TNIP2: variants seen among roughly 807,000 people sequenced by gnomAD.
The protein encoded by TNIP2 is TNFAIP3 interacting protein 2.
A neutral mutation model predicts 43.7 loss-of-function variants in TNIP2; 30 were observed. The observed-to-expected ratio is 0.69, with a 90% confidence interval of 0.51 to 0.93. TNIP2 has a LOEUF of 0.93. Ranked by LOEUF, TNIP2 falls within the 40% of genes least tolerant of loss-of-function variation. TNIP2 has a pLI of 0.00. For missense variants in TNIP2, 599 were observed against 591.0 expected, an observed-to-expected ratio of 1.01 and a Z score of -0.14; for synonymous variants, 260 against 254.6, an observed-to-expected ratio of 1.02 and a Z score of -0.20.
At chr4:2,745,891 G>A (rs1271378155) in intron 2 of TNIP2, 4 of 231,784 alleles carry the variant, frequency 1.7e-5, no homozygotes, top group Non-Finnish European at 3.4e-5. Flanking sequence ...ACATGATAAA[G>A]TCTTCTCATT....
rs1402605528 is a variant in TNIP2, at chr4:2,741,703, A to AAAAT, written c.*553_*554insATTT. ...ACGTTTATTATAAAAATAGGTGAAT[A>AAAAT]AAGTAAGTGTGCTTTAACTTCCGGC... On this transcript the variant is annotated 3_prime_UTR_variant, in exon 6 of 6. Coordinates refer to ENST00000315423, the MANE Select transcript of TNIP2 (RefSeq NM_024309.4). 1 of 152,388 alleles carries AAAAT rather than the reference A, an allele frequency of 6.6e-6. No individual in the cohort carries two copies. The highest frequency in any genetic ancestry group is 2.4e-5 in the African/African-American group (1 of 41,472). 9.4% of individuals were successfully genotyped at this position (152,388 alleles called of 1,614,324 possible).
intron 1 of TNIP2, among the ~76,000 whole-genome samples, chr4:2,751,621 A>G (rs946158818): frequency 2.6e-5 from 4 of 151,960 alleles, no homozygotes; most frequent in Admixed American, 1.3e-4. Flanking sequence ...AATACAAAAA[A>G]CATTAGCCAG....
chr4:2,749,693 T>G (rs1427703088), intron 1 of TNIP2, among the ~76,000 whole-genome samples: 1 of 152,218 alleles, frequency 6.6e-6, no homozygotes, highest in Non-Finnish European at 1.5e-5. Flanking sequence ...TCTAGAACTG[T>G]GAAAGATTAA....
rs770608619 is a variant in TNIP2, at chr4:2,744,663, G to A, written c.906+34C>T. ...GGCCACCACCGGCCAGCAGACATCT[G>A]GTCAGTGCCGTCCGGAGCCCGAGGG... is the stretch of plus-strand genomic sequence containing the variant. On this transcript the variant is annotated intron_variant, in intron 4 of 5. Coordinates refer to ENST00000315423, the MANE Select transcript of TNIP2 (RefSeq NM_024309.4). This position sits in a 1 kb window ranked among gnomAD's most constrained non-coding sequence, Gnocchi z 5.1. The A allele has an allele frequency of 1.3e-6, 2 of 1,590,666 alleles. No individual in the cohort carries two copies. The highest frequency in any genetic ancestry group is 4.5e-5 in the East Asian group (2 of 44,726).
chr4:2,743,570 G>T (rs996647438), intron 5 of TNIP2, among the ~76,000 whole-genome samples: 11 of 152,164 alleles, frequency 7.2e-5, no homozygotes, highest in African/African-American at 2.7e-4. Flanking sequence ...CCCAGTGGCT[G>T]CTCGGAACAG....
At chr4:2,746,749 G>A (rs933706769) in intron 2 of TNIP2, among the ~76,000 whole-genome samples, 1 of 152,238 alleles carries the variant, frequency 6.6e-6, no homozygotes, top group African/African-American at 2.4e-5. Flanking sequence ...CCGGCAGTGC[G>A]AGTGAGATGG....
chr4:2,756,047 C>G lies in TNIP2; in HGVS notation c.243G>C (p.Gln81His). ...VARFREQLRR[Q>H]EGGAAEAQMR... ...TCTGGGCCTCGGCGGCGCCGCCCTC[C>G]TGCCTTCGCAGCTGCTCCCGGAAGC... Residue 81 changes from glutamine (Q) to histidine (H), a missense_variant, in exon 1 of 6, where the codon CAG becomes CAC. Transcript: ENST00000315423. 1 of 1,548,828 alleles carries G rather than the reference C, an allele frequency of 6.5e-7. No homozygotes were observed.
Position 2,756,018 on chromosome 4 carries a change from C to G in TNIP2, c.272G>C (p.Arg91Pro). ...CTCTGGTACCCGCCCTCGTACCTGG[C>G]GCATCTGGGCCTCGGCGGCGCCGCC... ...QEGGAAEAQM[R>P]QEIERLTERL... The change falls in exon 1 of 6, where the codon CGC becomes CCC. Residue 91 changes from arginine (R) to proline (P), a missense_variant. Physicochemically the swap from Arg to Pro is moderately radical, Grantham distance 103. Transcript: ENST00000315423. 6.5e-7 allele frequency: 1 copy of G among 1,548,294 alleles called. No homozygotes were observed. Among genetic ancestry groups the G allele is most frequent in the Non-Finnish European group, 8.6e-7 (1 of 1,158,750 alleles).
Position 2,741,803 on chromosome 4 carries a change from A to G in TNIP2, c.*454T>C, listed in dbSNP as rs2109474205. On this transcript the variant is annotated 3_prime_UTR_variant, in exon 6 of 6. Transcript: ENST00000315423. ...TCGCAATGGCGGGGGTGGCCACCCTAGTGTGACGTGCAGCCGCAATACTCC... is the reference window on the plus strand; with the variant it reads ...TCGCAATGGCGGGGGTGGCCACCCTGGTGTGACGTGCAGCCGCAATACTCC... 1 of 157,710 alleles carries G rather than the reference A, an allele frequency of 6.3e-6. No homozygotes were observed. Among genetic ancestry groups the G allele is most frequent in the East Asian group, 1.9e-4 (1 of 5,364 alleles). 9.8% of individuals were successfully genotyped at this position (157,710 alleles called of 1,614,324 possible). A position where few individuals can be genotyped will look rare whatever the true frequency, so the allele number is the denominator to read the frequency against.
intron 2 of TNIP2, 139 bp downstream of exon 2, chr4:2,747,516 T>C: frequency 1.2e-6 from 1 of 847,034 alleles, no homozygotes; most frequent in East Asian, 2.4e-5. Context: ...TGAGTGAGCT[T>C]TGCCCCGTCA....
rs772113856 is a variant in TNIP2, at chr4:2,744,820, G to A, written c.783C>T (p.Ile261=). ...PHEPELMRKE[I]SRLNRQLEEK... ...CTTCCAACTGTCTGTTGAGCCGGGA[G>A]ATCTCCTTCCTCATCAGCTCGGGCT... is the stretch of plus-strand genomic sequence containing the variant. Residue 261 remains isoleucine, a synonymous_variant, in exon 4 of 6, where the codon ATC becomes ATT. Transcript: ENST00000315423. The surrounding 1 kb of genome is among the most constrained non-coding windows in gnomAD (Gnocchi z 5.1). 5.0e-6 allele frequency: 8 copies of A among 1,613,840 alleles called. No homozygotes were observed. In the East Asian group the frequency reaches 1.3e-4, roughly 27 times the overall value.
At chr4:2,752,359 T>C (rs115673959) in intron 1 of TNIP2, among the ~76,000 whole-genome samples, 151 of 152,278 alleles carry the variant, frequency 9.9e-4, no homozygotes, top group African/African-American at 3.5e-3. Context: ...TGTAAAGTTA[T>C]CCACTCAGGC....
rs149534570 is a variant in TNIP2 at position 2,742,886 on chromosome 4, T to C, written c.1027-366A>G. On this transcript the variant is annotated intron_variant, in intron 5 of 5. Transcript: ENST00000315423. ...GGTGGCAGAGCCTCTGGTGGGGAGC[T>C]GGGCAAACTGAGTACCAACCCTACT... is the stretch of plus-strand genomic sequence containing the variant. 6.7e-3 allele frequency among the ~76,000 whole-genome samples: 1,013 copies of C among 152,258 alleles called. 19 individuals carry two copies. Among genetic ancestry groups the C allele is most frequent in the African/African-American group, 0.023 (972 of 41,544 alleles).
At chr4:2,751,466 C>A (rs1722100914) in intron 1 of TNIP2, among the ~76,000 whole-genome samples, 1 of 152,164 alleles carries the variant, frequency 6.6e-6, no homozygotes, top group African/African-American at 2.4e-5. Context: ...AACAAAGTAT[C>A]ACAAACTTGG....
At chr4:2,745,260 G>A (rs901951660) in intron 3 of TNIP2, 186 bp downstream of exon 3, 18 of 612,294 alleles carry the variant, frequency 2.9e-5, no homozygotes, top group Non-Finnish European at 4.9e-5. Context: ...TTAGGGGGAT[G>A]GAGATGGACA....
At position 2,744,203 on chromosome 4, in the gene TNIP2, A is replaced by T. The variant is rs1286846405; in HGVS notation, c.1026+184T>A. 6.6e-6 allele frequency among the ~76,000 whole-genome samples: 1 copy of T among 152,154 alleles called. No individual in the cohort carries two copies. Among genetic ancestry groups the T allele is most frequent in the Admixed American group, 6.5e-5 (1 of 15,270 alleles). ...TCCATAACTAAACAGTATAACAGGG[A>T]GGCTTTCCATGACCACGCCCAGGTA... On this transcript the variant is annotated intron_variant, in intron 5 of 5. Coordinates refer to ENST00000315423, the MANE Select transcript of TNIP2 (RefSeq NM_024309.4). This position sits in a 1 kb window ranked among gnomAD's most constrained non-coding sequence, Gnocchi z 5.1.
At chr4:2,743,968 C>T (rs897973380) in intron 5 of TNIP2, among the ~76,000 whole-genome samples, 9 of 152,164 alleles carry the variant, frequency 5.9e-5, no homozygotes, top group Admixed American at 5.2e-4. Context: ...CCCAGCTCCA[C>T]GTGCCAGGCT....
Position 2,747,820 on chromosome 4 carries a change from CT to C in TNIP2, c.401del (p.Glu134GlyfsTer25). 1 of 1,613,392 alleles carries C rather than the reference CT, an allele frequency of 6.2e-7. No individual in the cohort carries two copies. The highest frequency in any genetic ancestry group is 8.5e-7 in the Non-Finnish European group (1 of 1,180,050). ...GGACGTCACTGGCGGCCCGGGCGCG[CT>C]CCCCTTCTGCCATGCTCCTCCGTAG... ...VLLRRSMAEG[E>X]RARAASDVLC... On this transcript the variant is annotated frameshift_variant, in exon 2 of 6. Coordinates refer to ENST00000315423, the MANE Select transcript of TNIP2 (RefSeq NM_024309.4). LOFTEE classifies it high-confidence loss of function.
intron 2 of TNIP2, chr4:2,745,989 C>T: frequency 5.6e-6 from 1 of 177,356 alleles, no homozygotes; most frequent in Non-Finnish European, 1.2e-5. Flanking sequence ...GAGGGGGCCC[C>T]CAGCTGCCCA....
Sources: allele counts gnomAD v4.1 joint callset (sites outside exome capture counted in the v4.1 genomes callset), GRCh38; gene constraint gnomAD v4.1.1; non-coding constraint Gnocchi (gnomAD v3.1); transcripts MANE v1.5; gene names NCBI Gene and HGNC (gene_info 2026-07-23, HGNC 2026-07-21).